Variants in ABCB11 observed in about 807,000 individuals in gnomAD.
The protein encoded by ABCB11 is bile salt export pump.
A neutral mutation model predicts 148.0 loss-of-function variants in ABCB11; 95 were observed. The observed-to-expected ratio is 0.64, with a 90% CI of 0.54 to 0.76. The LOEUF (loss-of-function observed/expected upper bound fraction) is 0.76, where lower values mean the gene tolerates loss of function less well. Ranked by LOEUF, ABCB11 falls within the 30% of genes least tolerant of loss-of-function variation. The probability of loss-of-function intolerance (pLI) is 0.00; values close to 1 mark genes in which losing one functional copy is unlikely to be tolerated. For missense variants in ABCB11, 1,523 were observed against 1,617.8 expected, an observed-to-expected ratio of 0.94 and a Z score of 1.01; for synonymous variants, 591 against 555.4, an observed-to-expected ratio of 1.06 and a Z score of -0.90.
chr2:169,013,831 A>G (rs941420999), intron 4 of ABCB11, among the ~76,000 whole-genome samples: 1 of 152,166 alleles, frequency 6.6e-6, no homozygotes, highest in Admixed American at 6.5e-5. Flanking sequence ...AATCACTGTC[A>G]TTGATGCCAT....
chr2:169,029,221 C>A (rs1695788410), intron 1 of ABCB11, among the ~76,000 whole-genome samples: 2 of 152,066 alleles, frequency 1.3e-5, no homozygotes, highest in Non-Finnish European at 2.9e-5. Flanking sequence ...AGAACTGCCC[C>A]TGCTCCTCTT....
intron 5 of ABCB11, among the ~76,000 whole-genome samples, chr2:169,004,086 C>T (rs935112560): frequency 6.6e-6 from 1 of 152,118 alleles, no homozygotes; most frequent in Non-Finnish European, 1.5e-5. Flanking sequence ...TCTTAAGATT[C>T]TTTCCTTCAT....
chr2:168,973,734 T>C lies in ABCB11; in HGVS notation c.1415A>G (p.Tyr472Cys), dbSNP rs369860506. The change falls in exon 13 of 28, where the codon TAT becomes TGT. Residue 472 changes from tyrosine to cysteine, a missense_variant. By Grantham distance (194) the Tyr-to-Cys change is radical. Transcript: ENST00000650372. ...STALQLIQRF[Y>C]DPCEGMVTVD... ...ACCCACCATTCCTTCACAGGGGTCATAGAATCGCTGAATGAGTTGCAGTGC... is the reference window on the plus strand; with the variant it reads ...ACCCACCATTCCTTCACAGGGGTCACAGAATCGCTGAATGAGTTGCAGTGC... 3.7e-6 allele frequency: 6 copies of C among 1,611,964 alleles called. No individual in the cohort carries two copies. The highest frequency in any genetic ancestry group is 1.7e-5 in the Admixed American group (1 of 59,890).
chr2:169,024,022 C>T (rs1178127056), intron 1 of ABCB11, among the ~76,000 whole-genome samples: 1 of 151,784 alleles, frequency 6.6e-6, no homozygotes, highest in Non-Finnish European at 1.5e-5. Context: ...GGGAGGGGAA[C>T]AACACACACT....
At chr2:169,028,022 C>A (rs1349238561) in intron 1 of ABCB11, among the ~76,000 whole-genome samples, 5 of 152,056 alleles carry the variant, frequency 3.3e-5, no homozygotes, top group South Asian at 2.1e-4. Flanking sequence ...CACAGTCATA[C>A]CCTTTCATTT....
chr2:169,015,114 T>A (rs1242467569), intron 3 of ABCB11, among the ~76,000 whole-genome samples: 1 of 152,136 alleles, frequency 6.6e-6, no homozygotes, highest in Non-Finnish European at 1.5e-5. Context: ...CTTCCATTGC[T>A]AAACCCCATT....
chr2:168,945,821 A>C (rs1692282963), intron 19 of ABCB11, among the ~76,000 whole-genome samples: 1 of 151,918 alleles, frequency 6.6e-6, no homozygotes, highest in South Asian at 2.1e-4. Context: ...TTTATAGACT[A>C]TACAGCATTA....
Position 168,944,690 on chromosome 2 carries a change from T to C in ABCB11, c.2525A>G (p.Gln842Arg). The C allele has an allele frequency of 6.2e-7, 1 of 1,612,942 alleles. No individual in the cohort carries two copies. Among genetic ancestry groups the C allele is most frequent in the East Asian group, 2.2e-5 (1 of 44,836 alleles). The change falls in exon 21 of 28, where the codon CAA (glutamine) becomes CGA (arginine). Residue 842 changes from glutamine to arginine, a missense_variant. Coordinates refer to ENST00000650372, the MANE Select transcript of ABCB11 (RefSeq NM_003742.4). Reference protein sequence around the residue: ...RKFGFRAMLGQDIAWFDDLRN... With the variant: ...RKFGFRAMLGRDIAWFDDLRN... Reference sequence around the variant, plus strand: ...GAGGTCATCAAACCAGGCAATATCTTGCCCCAGCATTGCCCTGAAACCAAA... The same window carrying C: ...GAGGTCATCAAACCAGGCAATATCTCGCCCCAGCATTGCCCTGAAACCAAA...
chr2:169,008,679 C>G (rs1272578058), intron 5 of ABCB11, among the ~76,000 whole-genome samples: 1 of 152,140 alleles, frequency 6.6e-6, no homozygotes, highest in Non-Finnish European at 1.5e-5. Flanking sequence ...TTAGAACCCT[C>G]ATACACTGTT....
Position 169,016,794 on chromosome 2 carries a change from T to C in ABCB11, c.82A>G (p.Asn28Asp). Reference sequence around the variant, plus strand: ...GTCACTTACCTTGATTTCTTATCATTATTATCTGTCAGAAAAAAAAATCAA... The same window carrying C: ...GTCACTTACCTTGATTTCTTATCATCATTATCTGTCAGAAAAAAAAATCAA... Reference protein sequence around the residue: ...DGFESDKSYNNDKKSRLQDEK... With the variant: ...DGFESDKSYNDDKKSRLQDEK... Residue 28 changes from asparagine (N) to aspartate (D), a missense_variant, in exon 3 of 28, where the codon AAT (asparagine) becomes GAT (aspartate). Coordinates refer to ENST00000650372, the MANE Select transcript of ABCB11 (RefSeq NM_003742.4). 6.3e-7 allele frequency: 1 copy of C among 1,594,072 alleles called. No individual in the cohort carries two copies. Among genetic ancestry groups the C allele is most frequent in the African/African-American group, 1.3e-5 (1 of 74,436 alleles).
Position 168,935,278 on chromosome 2 carries a change from C to G in ABCB11, c.2962G>C (p.Ala988Pro). 6.2e-7 allele frequency: 1 copy of G among 1,613,968 alleles called. No individual in the cohort carries two copies. Among genetic ancestry groups the G allele is most frequent in the South Asian group, 1.1e-5 (1 of 91,080 alleles). ...TTCGCAATAAACATGATGCACTGGG[C>G]AAAGGCAAAGCAGAATCCGTAAATA... ...ANIYGFCFAF[A>P]QCIMFIANSA... The change falls in exon 23 of 28, where the codon GCC becomes CCC. Residue 988 changes from alanine to proline, a missense_variant. Transcript: ENST00000650372.
At chr2:169,025,395 T>G (rs1376260160) in intron 1 of ABCB11, among the ~76,000 whole-genome samples, 1 of 152,170 alleles carries the variant, frequency 6.6e-6, no homozygotes. Flanking sequence ...CTTGCAGGAC[T>G]GGTGTGAAGA....
chr2:169,024,833 T>G (rs1009319752), intron 1 of ABCB11, among the ~76,000 whole-genome samples: 1 of 152,162 alleles, frequency 6.6e-6, no homozygotes, highest in Non-Finnish European at 1.5e-5. Context: ...TGTCCCTTAA[T>G]AGCATATTAA....
chr2:169,024,699 T>C (rs1047126455), intron 1 of ABCB11, among the ~76,000 whole-genome samples: 2 of 152,174 alleles, frequency 1.3e-5, no homozygotes, highest in African/African-American at 4.8e-5. Flanking sequence ...ATACCAAGTT[T>C]ATAATGTTAT....
chr2:169,002,770 G>GGTA (rs1453245861), intron 5 of ABCB11, among the ~76,000 whole-genome samples: 1 of 152,046 alleles, frequency 6.6e-6, no homozygotes, highest in African/African-American at 2.4e-5. Flanking sequence ...TAGTTACTAA[G>GGTA]GGCTAGAGGT....
chr2:169,006,906 G>T (rs79449726), intron 5 of ABCB11, among the ~76,000 whole-genome samples: 1,666 of 152,224 alleles, frequency 0.011, 16 homozygotes, highest in Non-Finnish European at 0.015. Flanking sequence ...TAAAGCAGAC[G>T]CAAATAAGTG....
intron 19 of ABCB11, among the ~76,000 whole-genome samples, chr2:168,950,925 G>A (rs1342354736): frequency 1.3e-5 from 2 of 151,446 alleles, no homozygotes. Flanking sequence ...ATGTTTAGGT[G>A]TTCTATCTAT....
intron 10 of ABCB11, among the ~76,000 whole-genome samples, chr2:168,984,947 T>G (rs1375409485): frequency 6.6e-6 from 1 of 152,028 alleles, no homozygotes; most frequent in Non-Finnish European, 1.5e-5. Flanking sequence ...TTAATTAAAC[T>G]AAAGAGGTTT....
At chr2:168,947,175 C>G (rs976197145) in intron 19 of ABCB11, among the ~76,000 whole-genome samples, 4 of 151,594 alleles carry the variant, frequency 2.6e-5, no homozygotes, top group Non-Finnish European at 5.9e-5. Flanking sequence ...GTAGATTAAC[C>G]TGCTGTAACT....
Sources: allele counts gnomAD v4.1 joint callset (sites outside exome capture counted in the v4.1 genomes callset), GRCh38; gene constraint gnomAD v4.1.1; transcripts MANE v1.5; gene names NCBI Gene and HGNC (gene_info 2026-07-23, HGNC 2026-07-21).